The following CEP192 variants were observed in gnomAD, a reference collection of about 807,000 sequenced individuals.
CEP192 encodes the protein centrosomal protein 192.
In CEP192, 151 loss-of-function variants were observed where a neutral mutation model predicts 271.8. That is an observed-to-expected ratio of 0.56 (90% CI 0.49 to 0.64). CEP192 has a LOEUF of 0.64. Ranked by LOEUF, CEP192 falls within the 30% of genes least tolerant of loss-of-function variation. CEP192 has a pLI of 0.00. For synonymous variants in CEP192, 995 were observed against 1,076.5 expected, an observed-to-expected ratio of 0.92 and a Z score of 1.48; for missense variants, 2,910 against 3,020.5, an observed-to-expected ratio of 0.96 and a Z score of 0.86.
At chr18:12,996,281 T>A (rs1482809803) in intron 1 of CEP192, among the ~76,000 whole-genome samples, 1 of 151,840 alleles carries the variant, frequency 6.6e-6, no homozygotes, top group East Asian at 1.9e-4. Context: ...GAGATTTGCA[T>A]AGGGATTGCA....
At chr18:13,028,983 T>C (rs949724045) in intron 9 of CEP192, among the ~76,000 whole-genome samples, 5 of 152,258 alleles carry the variant, frequency 3.3e-5, no homozygotes, top group African/African-American at 1.2e-4. Context: ...CAGGTTGTTC[T>C]TATTGCTTGT....
rs556712090 is a variant in CEP192 at position 13,068,144 on chromosome 18, T to G, written c.4665T>G (p.Ala1555=). The change falls in exon 23 of 45, where the codon GCT becomes GCG. Residue 1555 remains alanine (A), a synonymous_variant. Transcript: ENST00000506447. ...CFTFSKESVR[A]PVEVAPCADV... is the part of the protein sequence containing the mutation. ...CGTTTTCCAAGGAATCCGTCCGAGC[T>G]CCTGTGGAAGTTGCTCCTTGCGCTG... 1.2e-6 allele frequency: 2 copies of G among 1,614,202 alleles called. No individual in the cohort carries two copies. The highest frequency in any genetic ancestry group is 2.2e-5 in the South Asian group (2 of 91,082).
chr18:13,124,395 C>G, intron 44 of CEP192: 1 of 375,276 alleles, frequency 2.7e-6, no homozygotes, highest in Non-Finnish European at 4.8e-6. Context: ...TTAATAGTTA[C>G]TGGATAGCCA....
At chr18:13,110,894 G>T (rs150449642) in intron 40 of CEP192, among the ~76,000 whole-genome samples, 47 of 152,320 alleles carry the variant, frequency 3.1e-4, no homozygotes, top group Middle Eastern at 6.8e-3. Context: ...AAAAATGAAA[G>T]CCAAGAGACT....
chr18:13,124,804 A>C lies in CEP192; in HGVS notation c.*34A>C, dbSNP rs1174766935. The C allele has an allele frequency of 6.6e-7, 1 of 1,520,320 alleles. No homozygotes were observed. The highest frequency in any genetic ancestry group is 1.7e-5 in the Admixed American group (1 of 57,702). The allele number at this position is 1,520,320 out of a possible 1,614,324, so 94.2% of individuals were successfully genotyped here. On this transcript the variant is annotated 3_prime_UTR_variant, in exon 45 of 45. Coordinates refer to ENST00000506447, the MANE Select transcript of CEP192 (RefSeq NM_032142.4). ...CATTTTTGTGTAAAGTAAATTACAT[A>C]AGTTGTATTTTGTTAACTTTATCTT...
At chr18:13,072,119 C>T (rs2038046313) in intron 28 of CEP192, among the ~76,000 whole-genome samples, 1 of 152,190 alleles carries the variant, frequency 6.6e-6, no homozygotes, top group South Asian at 2.1e-4. Context: ...ACGTAGACCT[C>T]AGCTGCTGAT....
chr18:13,004,574 A>G (rs1481636726), intron 3 of CEP192, among the ~76,000 whole-genome samples: 2 of 152,182 alleles, frequency 1.3e-5, no homozygotes, highest in African/African-American at 4.8e-5. Context: ...TCAGTGCTTC[A>G]GGCTGAAAGT....
chr18:13,021,026 A>G (rs1360945169), intron 9 of CEP192, among the ~76,000 whole-genome samples: 1 of 152,084 alleles, frequency 6.6e-6, no homozygotes, highest in African/African-American at 2.4e-5. Flanking sequence ...GTTGTCTTTT[A>G]CTTTCTTGAT....
At chr18:13,015,276 C>A in intron 5 of CEP192, 52 bp from the exon 6 acceptor site, 4 of 1,522,136 alleles carry the variant, frequency 2.6e-6, no homozygotes, top group Non-Finnish European at 3.5e-6. Context: ...TTGTACTATG[C>A]TCTTCAGAGC....
chr18:13,096,060 G>A, intron 35 of CEP192, 124 bp from the exon 36 acceptor site: 4 of 948,174 alleles, frequency 4.2e-6, no homozygotes, highest in Non-Finnish European at 6.3e-6. Flanking sequence ...TTCTGTAATT[G>A]AGCAGTTGAG....
intron 42 of CEP192, 82 bp downstream of exon 42, chr18:13,114,333 A>G (rs1326381313): frequency 5.5e-6 from 8 of 1,442,740 alleles, no homozygotes; most frequent in Non-Finnish European, 7.6e-6. Flanking sequence ...CGATGACTTT[A>G]CCTGAGTTCA....
intron 19 of CEP192, 47 bp downstream of exon 19, chr18:13,056,745 A>G (rs2037128547): frequency 3.5e-6 from 5 of 1,428,564 alleles, no homozygotes; most frequent in Non-Finnish European, 3.8e-6. Context: ...TATTTTCTCA[A>G]ATGACACCAC....
intron 36 of CEP192, among the ~76,000 whole-genome samples, chr18:13,097,520 A>T (rs2039458611): frequency 6.6e-6 from 1 of 151,040 alleles, no homozygotes; most frequent in Admixed American, 6.6e-5. Flanking sequence ...ATTCTTCTTT[A>T]TTCTCACGTG....
chr18:13,055,935 A>G lies in CEP192; in HGVS notation c.3345A>G (p.Arg1115=), dbSNP rs1324208371. 23 of 1,614,238 alleles carry G rather than the reference A, an allele frequency of 1.4e-5. No homozygotes were observed. Among genetic ancestry groups the G allele is most frequent in the African/African-American group, 6.7e-5 (5 of 75,072 alleles). ...SSIIQNNSDT[R]KATETTSLSS... is the part of the protein sequence containing the mutation. ...TTATCCAGAATAACTCTGATACAAG[A>G]AAAGCAACTGAAACTACTTCTCTGA... The change falls in exon 19 of 45, where the codon AGA becomes AGG. Residue 1115 remains arginine, a synonymous_variant. Transcript: ENST00000506447.
chr18:12,991,809 A>G (rs2032871149), intron 1 of CEP192, among the ~76,000 whole-genome samples: 1 of 152,150 alleles, frequency 6.6e-6, no homozygotes, highest in African/African-American at 2.4e-5. Flanking sequence ...AGTTTCTTGC[A>G]GTGTGCTTGT....
intron 32 of CEP192, among the ~76,000 whole-genome samples, chr18:13,089,104 TCCCC>T (rs2039025102): frequency 1.3e-5 from 2 of 152,204 alleles, no homozygotes; most frequent in Admixed American, 6.5e-5. Flanking sequence ...ATTTAGGTAT[TCCCC>T]TTCAAATGTT....
intron 20 of CEP192, 57 bp downstream of exon 20, chr18:13,057,790 G>C: frequency 6.5e-7 from 1 of 1,538,924 alleles, no homozygotes; most frequent in East Asian, 2.3e-5. Flanking sequence ...TTAGGTGCTT[G>C]ATTTCCCCCA....
At chr18:13,105,589 A>G (rs994140813) in intron 40 of CEP192, among the ~76,000 whole-genome samples, 4 of 152,192 alleles carry the variant, frequency 2.6e-5, no homozygotes, top group Non-Finnish European at 5.9e-5. Flanking sequence ...TTACTGGCTC[A>G]TTTATTAGAC....
Position 12,999,406 on chromosome 18 carries a change from C to T in CEP192, c.-4-15C>T. 6.7e-7 allele frequency: 1 copy of T among 1,501,830 alleles called. No homozygotes were observed. The highest frequency in any genetic ancestry group is 8.9e-7 in the Non-Finnish European group (1 of 1,119,450). The allele number at this position is 1,501,830 out of a possible 1,614,324, so 93.0% of individuals were successfully genotyped here. On this transcript the variant is annotated splice_polypyrimidine_tract_variant and intron_variant, in intron 1 of 44. Transcript: ENST00000506447. Reference sequence around the variant, plus strand: ...TAGTAATATGTGACCTATAGAAATACTTTTGTTATTGCAGTGAGATGGAAG... The same window carrying T: ...TAGTAATATGTGACCTATAGAAATATTTTTGTTATTGCAGTGAGATGGAAG...
Sources: gnomAD v4.1 joint callset for allele counts (sites outside exome capture counted in the v4.1 genomes callset) on GRCh38, gnomAD v4.1.1 for gene constraint, MANE v1.5 for transcripts, NCBI Gene and HGNC (gene_info 2026-07-23, HGNC 2026-07-21) for gene names.